The following MAPK1IP1L variants were observed in gnomAD, a reference collection of about 807,000 sequenced individuals.
MAPK1IP1L encodes the protein MAPK-interacting and spindle-stabilizing protein-like.
A neutral mutation model predicts 18.1 loss-of-function variants in MAPK1IP1L; 10 were observed. The observed-to-expected ratio is 0.55, with a 90% CI of 0.34 to 0.94. The LOEUF (loss-of-function observed/expected upper bound fraction) is 0.94, where lower values mean the gene tolerates loss of function less well. Ranked by LOEUF, MAPK1IP1L falls within the 40% of genes least tolerant of loss-of-function variation. MAPK1IP1L has a pLI of 0.02. For missense variants in MAPK1IP1L, 260 were observed against 318.2 expected, an observed-to-expected ratio of 0.82 and a Z score of 1.39; for synonymous variants, 115 against 117.3, an observed-to-expected ratio of 0.98 and a Z score of 0.13.
At chr14:55,060,610 A>G (rs1391832269) in intron 1 of MAPK1IP1L, 1 of 152,258 alleles carries the variant, frequency 6.6e-6, no homozygotes, top group Non-Finnish European at 1.5e-5. Context: ...TATAAAGTCA[A>G]AGAACAAGCA....
rs746576793 is a variant in MAPK1IP1L at position 55,062,734 on chromosome 14, T to C, written c.135T>C (p.Ala45=). 6 of 1,614,024 alleles carry C rather than the reference T, an allele frequency of 3.7e-6. No individual in the cohort carries two copies. In the African/African-American group the frequency reaches 5.3e-5, roughly 14 times the overall value. ...CCAACCCTTGGAATAATCCGAGTGC[T>C]CCATCTTCAGTGCCATCTGGACTCC... ...PGSNPWNNPS[A]PSSVPSGLPP... The change falls in exon 3 of 4, where the codon GCT becomes GCC. Residue 45 remains alanine, a synonymous_variant. Transcript: ENST00000395468.
At chr14:55,060,105 C>T (rs750939976) in intron 1 of MAPK1IP1L, among the ~76,000 whole-genome samples, 6 of 144,630 alleles carry the variant, frequency 4.1e-5, no homozygotes, top group Non-Finnish European at 6.0e-5. Flanking sequence ...TTTTGTATAA[C>T]CAAAATATGC....
intron 1 of MAPK1IP1L, among the ~76,000 whole-genome samples, chr14:55,060,955 T>C (rs1422756010): frequency 6.6e-6 from 1 of 152,078 alleles, no homozygotes; most frequent in East Asian, 1.9e-4. Flanking sequence ...CTGGGCAACA[T>C]AGTGAGACAC....
In MAPK1IP1L at chr14:55,063,290, C is replaced by T; in HGVS notation, c.691C>T (p.Pro231Ser). 1 of 1,613,724 alleles carries T rather than the reference C, an allele frequency of 6.2e-7. No homozygotes were observed. ...PSNPFQVPSG[P>S]SGAPPMPGGP... is the part of the protein sequence containing the mutation. ...TAATCCTTTCCAAGTGCCTTCAGGA[C>T]CTTCTGGTGCTCCACCAATGCCTGG... Residue 231 changes from proline to serine, a missense_variant, in exon 3 of 4, where the codon CCT becomes TCT. Pro to Ser is a moderately conservative substitution (Grantham distance 74). Transcript: ENST00000395468.
intron 1 of MAPK1IP1L, among the ~76,000 whole-genome samples, chr14:55,061,233 A>G (rs2042815647): frequency 6.6e-6 from 1 of 152,250 alleles, no homozygotes; most frequent in Non-Finnish European, 1.5e-5. Flanking sequence ...AATAAATTTA[A>G]TAATATCCAG....
At position 55,068,471 on chromosome 14, in the gene MAPK1IP1L, G is replaced by A. The variant is rs555523225; in HGVS notation, c.*3844G>A. ...ACACTTCTAAACAATAAGTGCCAAT[G>A]TCTCAATTTTCTCACCCTGAATGAT... is the stretch of plus-strand genomic sequence containing the variant. On this transcript the variant is annotated 3_prime_UTR_variant, in exon 4 of 4. Transcript: ENST00000395468. 1 of 152,732 alleles carries A rather than the reference G, an allele frequency of 6.5e-6. No homozygotes were observed. Among genetic ancestry groups the A allele is most frequent in the Non-Finnish European group, 1.5e-5 (1 of 68,026 alleles). The allele number at this position is 152,732 out of a possible 1,614,324, so 9.5% of individuals were successfully genotyped here.
intron 1 of MAPK1IP1L, among the ~76,000 whole-genome samples, chr14:55,055,418 T>C (rs138653484): frequency 1.3e-5 from 2 of 152,272 alleles, no homozygotes; most frequent in Admixed American, 6.5e-5. Flanking sequence ...TTCCCCCTTA[T>C]CCTAGGGGGA....
rs1207648715 is a variant in MAPK1IP1L, at chr14:55,051,797, T to C, written c.-11T>C. On this transcript the variant is annotated 5_prime_UTR_variant, in exon 1 of 4. Transcript: ENST00000395468. ...CTAGACCCTACTGCGGTCTCGGATA[T>C]TGCCGGGTGAGGCTGCTTCGGTACT... 3 of 496,640 alleles carry C rather than the reference T, an allele frequency of 6.0e-6. No individual in the cohort carries two copies. The highest frequency in any genetic ancestry group is 2.8e-5 in the South Asian group (2 of 70,390). 30.8% of individuals were successfully genotyped at this position (496,640 alleles called of 1,614,324 possible). A position where few individuals can be genotyped will look rare whatever the true frequency, so the allele number is the denominator to read the frequency against.
chr14:55,056,243 T>C (rs976839734), intron 1 of MAPK1IP1L, among the ~76,000 whole-genome samples: 5 of 152,220 alleles, frequency 3.3e-5, no homozygotes, highest in African/African-American at 1.2e-4. Flanking sequence ...ACTTGTAGAA[T>C]AATTTATGTA....
chr14:55,059,550 C>T (rs1024544024), intron 1 of MAPK1IP1L, among the ~76,000 whole-genome samples: 1 of 152,066 alleles, frequency 6.6e-6, no homozygotes, highest in African/African-American at 2.4e-5. Context: ...TGCACTCTGG[C>T]CAGGGAACAA....
intron 3 of MAPK1IP1L, 33 bp downstream of exon 3, chr14:55,063,358 A>G (rs1017776436): frequency 2.6e-6 from 4 of 1,522,164 alleles, no homozygotes; most frequent in Middle Eastern, 1.7e-4. Flanking sequence ...AAAGTGTACT[A>G]ATTGTACATA....
Position 55,068,595 on chromosome 14 carries a change from A to G in MAPK1IP1L, c.*3968A>G, listed in dbSNP as rs919458128. Reference sequence around the variant, plus strand: ...GAAAAGCATAAGCCTAAATTCAGATAAATCACACTGATATATTGTACTATG... The same window carrying G: ...GAAAAGCATAAGCCTAAATTCAGATGAATCACACTGATATATTGTACTATG... On this transcript the variant is annotated 3_prime_UTR_variant, in exon 4 of 4. Coordinates refer to ENST00000395468, the MANE Select transcript of MAPK1IP1L (RefSeq NM_144578.4). The G allele has an allele frequency of 6.6e-6, 1 of 152,262 alleles. No individual in the cohort carries two copies. The highest frequency in any genetic ancestry group is 2.4e-5 in the African/African-American group (1 of 41,464). 9.4% of individuals were successfully genotyped at this position (152,262 alleles called of 1,614,324 possible).
chr14:55,060,872 C>T (rs1010511367), intron 1 of MAPK1IP1L: 1 of 152,168 alleles, frequency 6.6e-6, no homozygotes, highest in African/African-American at 2.4e-5. Flanking sequence ...CACAGTGGCT[C>T]ATGGCTATAA....
intron 1 of MAPK1IP1L, 93 bp from the exon 2 acceptor site, chr14:55,061,587 T>TA (rs1222078644): frequency 3.7e-6 from 3 of 805,584 alleles, no homozygotes; most frequent in Non-Finnish European, 5.9e-6. Context: ...AATAATAATG[T>TA]ATGCATAGAA....
At chr14:55,054,969 A>G (rs2042759527) in intron 1 of MAPK1IP1L, among the ~76,000 whole-genome samples, 1 of 152,252 alleles carries the variant, frequency 6.6e-6, no homozygotes. Context: ...ATCATGCTAT[A>G]AAATGGTAAC....
rs1460068313 is a variant in MAPK1IP1L, at chr14:55,069,332, T to G, written c.*4705T>G. 6.6e-6 allele frequency: 1 copy of G among 152,666 alleles called. No homozygotes were observed. Among genetic ancestry groups the G allele is most frequent in the African/African-American group, 2.4e-5 (1 of 41,468 alleles). The allele number at this position is 152,666 out of a possible 1,614,324, so 9.5% of individuals were successfully genotyped here. The stretch of plus-strand genomic sequence containing the variant: ...AAATGTGATTTGAGACATATACATA[T>G]GTTTGTATTATAAATTGTAAGCAAT... On this transcript the variant is annotated 3_prime_UTR_variant, in exon 4 of 4. Coordinates refer to ENST00000395468, the MANE Select transcript of MAPK1IP1L (RefSeq NM_144578.4).
At chr14:55,061,016 G>A (rs1594625742) in intron 1 of MAPK1IP1L, among the ~76,000 whole-genome samples, 1 of 151,976 alleles carries the variant, frequency 6.6e-6, no homozygotes, top group Non-Finnish European at 1.5e-5. Flanking sequence ...TGGGCATGAT[G>A]GCACACACCT....
Position 55,063,118 on chromosome 14 carries a change from A to G in MAPK1IP1L, c.519A>G (p.Pro173=). Reference sequence around the variant, plus strand: ...ATATGCCATATCCATCTCCAGGCCCATATCCCGCTCCTCCTCCTCCCCAAG... The same window carrying G: ...ATATGCCATATCCATCTCCAGGCCCGTATCCCGCTCCTCCTCCTCCCCAAG... ...TPNMPYPSPG[P]YPAPPPPQAP... The change falls in exon 3 of 4, where the codon CCA becomes CCG. Residue 173 remains proline (P), a synonymous_variant. Coordinates refer to ENST00000395468, the MANE Select transcript of MAPK1IP1L (RefSeq NM_144578.4). 6.2e-7 allele frequency: 1 copy of G among 1,613,560 alleles called. No homozygotes were observed. The highest frequency in any genetic ancestry group is 8.5e-7 in the Non-Finnish European group (1 of 1,180,038).
intron 1 of MAPK1IP1L, among the ~76,000 whole-genome samples, chr14:55,056,610 C>T (rs754570324): frequency 1.2e-4 from 19 of 152,170 alleles, no homozygotes; most frequent in Non-Finnish European, 2.1e-4. Context: ...CCTGGGTTCG[C>T]GCCATTCTCT....
Sources: allele counts gnomAD v4.1 joint callset (sites outside exome capture counted in the v4.1 genomes callset), GRCh38; gene constraint gnomAD v4.1.1; transcripts MANE v1.5; gene names NCBI Gene and HGNC (gene_info 2026-07-23, HGNC 2026-07-21).